The following B3GALT1 variants were observed in gnomAD, a reference collection of about 807,000 sequenced individuals.
B3GALT1 encodes the protein UDP-Gal:betaGlcNAc beta 1,3-galactosyltransferase, polypeptide 1.
In B3GALT1, 10 loss-of-function variants were observed where a neutral mutation model predicts 23.2. That is an observed-to-expected ratio of 0.43 (90% CI 0.27 to 0.73). The LOEUF (loss-of-function observed/expected upper bound fraction) is 0.73, where lower values mean the gene tolerates loss of function less well. Ranked by LOEUF, B3GALT1 falls within the 30% of genes least tolerant of loss-of-function variation. B3GALT1 has a pLI of 0.21. For synonymous variants in B3GALT1, 156 were observed against 141.5 expected, an observed-to-expected ratio of 1.10 and a Z score of -0.73; for missense variants, 299 against 405.4, an observed-to-expected ratio of 0.74 and a Z score of 2.25.
chr2:167,572,899 C>T (rs532148302), intron 2 of B3GALT1, among the ~76,000 whole-genome samples: 9 of 151,760 alleles, frequency 5.9e-5, no homozygotes, highest in Admixed American at 4.6e-4. Context: ...TTGCTAGTTG[C>T]CCTACTAAAT....
At chr2:167,490,018 T>C (rs2105341379) in intron 1 of B3GALT1, among the ~76,000 whole-genome samples, 159 bp from the exon 2 acceptor site, 1 of 152,298 alleles carries the variant, frequency 6.6e-6, no homozygotes, top group South Asian at 2.1e-4. Context: ...TCAAATTAAG[T>C]GTTCCTCAAG....
Position 167,869,031 on chromosome 2 carries a change from C to T in B3GALT1, c.-9C>T. On this transcript the variant is annotated 5_prime_UTR_variant, in exon 5 of 5. Transcript: ENST00000392690. This position sits in a 1 kb window ranked among gnomAD's most constrained non-coding sequence, Gnocchi z 6.4. ...CTTCAATATTTGGAATAGACGTGTT[C>T]TCAAGACAATGGCTTCAAAGGTCTC... 1 of 1,591,494 alleles carries T rather than the reference C, an allele frequency of 6.3e-7. No individual in the cohort carries two copies. The highest frequency in any genetic ancestry group is 8.6e-7 in the Non-Finnish European group (1 of 1,168,974).
intron 3 of B3GALT1, among the ~76,000 whole-genome samples, chr2:167,705,449 T>C (rs879625191): frequency 2.6e-5 from 4 of 152,160 alleles, no homozygotes; most frequent in Non-Finnish European, 4.4e-5. Context: ...GGGAACCTTA[T>C]AAGAAGAATC....
chr2:167,825,190 A>G (rs1458586071), intron 4 of B3GALT1, among the ~76,000 whole-genome samples: 1 of 149,886 alleles, frequency 6.7e-6, no homozygotes, highest in Non-Finnish European at 1.5e-5. Context: ...AGGCTGAGGC[A>G]GGAGAATGGC....
intron 1 of B3GALT1, among the ~76,000 whole-genome samples, chr2:167,371,964 T>G (rs1574052822): frequency 6.6e-6 from 1 of 151,718 alleles, no homozygotes; most frequent in Non-Finnish European, 1.5e-5. Flanking sequence ...AGTAATCTAT[T>G]GAAATGTGGT....
intron 1 of B3GALT1, among the ~76,000 whole-genome samples, chr2:167,480,166 A>G (rs984318525): frequency 2.6e-5 from 4 of 152,202 alleles, no homozygotes; most frequent in African/African-American, 9.7e-5. Context: ...AAGGGATTAT[A>G]GAAACCATGC....
chr2:167,828,503 A>AGAT (rs1366004303), intron 4 of B3GALT1, among the ~76,000 whole-genome samples: 2 of 152,172 alleles, frequency 1.3e-5, no homozygotes, highest in Non-Finnish European at 2.9e-5. Flanking sequence ...CCTGCATAAG[A>AGAT]GATGAGTTTC....
At chr2:167,633,749 G>A (rs1270544297) in intron 2 of B3GALT1, among the ~76,000 whole-genome samples, 1 of 152,064 alleles carries the variant, frequency 6.6e-6, no homozygotes, top group East Asian at 1.9e-4. Context: ...AATAGTGGGA[G>A]ACTTTAATGC....
intron 3 of B3GALT1, among the ~76,000 whole-genome samples, chr2:167,679,663 C>T (rs1265820130): frequency 6.6e-6 from 1 of 152,204 alleles, no homozygotes; most frequent in Non-Finnish European, 1.5e-5. Context: ...ATCCATCAGC[C>T]TCTAGATCTG....
chr2:167,402,134 A>G (rs1443072878), intron 1 of B3GALT1, among the ~76,000 whole-genome samples: 1 of 152,142 alleles, frequency 6.6e-6, no homozygotes, highest in Non-Finnish European at 1.5e-5. Flanking sequence ...AATTTCATTA[A>G]GGGAGCTAAA....
chr2:167,326,459 T>G (rs1696897316), intron 1 of B3GALT1, among the ~76,000 whole-genome samples: 1 of 151,990 alleles, frequency 6.6e-6, no homozygotes. Context: ...TGTCTATTTT[T>G]ATTTTTGTTG....
At chr2:167,809,441 G>C (rs1382797412) in intron 3 of B3GALT1, among the ~76,000 whole-genome samples, 2 of 152,082 alleles carry the variant, frequency 1.3e-5, no homozygotes, top group Non-Finnish European at 2.9e-5. Context: ...TTTGATGATG[G>C]TGACGTACAG....
chr2:167,460,039 G>A (rs1390085931), intron 1 of B3GALT1, among the ~76,000 whole-genome samples: 2 of 152,072 alleles, frequency 1.3e-5, no homozygotes, highest in East Asian at 3.9e-4. Flanking sequence ...CTGCTTTCAT[G>A]ATTCTCACTT....
chr2:167,382,017 C>A (rs16853534), intron 1 of B3GALT1, among the ~76,000 whole-genome samples: 5 of 152,136 alleles, frequency 3.3e-5, no homozygotes, highest in Non-Finnish European at 5.9e-5. Context: ...GTTGATGGTG[C>A]GAACCAAAGG....
intron 2 of B3GALT1, among the ~76,000 whole-genome samples, chr2:167,641,807 A>G (rs1453858779): frequency 6.6e-6 from 1 of 151,370 alleles, no homozygotes; most frequent in Non-Finnish European, 1.5e-5. Context: ...TTTCCTGTCT[A>G]CTCTTTCTCC....
At chr2:167,456,605 G>T (rs1006145372) in intron 1 of B3GALT1, among the ~76,000 whole-genome samples, 4 of 152,166 alleles carry the variant, frequency 2.6e-5, no homozygotes, top group African/African-American at 9.7e-5. Flanking sequence ...GTCAGTCCTG[G>T]CTAGAAAGTC....
intron 3 of B3GALT1, among the ~76,000 whole-genome samples, chr2:167,724,800 T>C (rs1044846335): frequency 3.9e-5 from 6 of 152,194 alleles, no homozygotes; most frequent in Non-Finnish European, 8.8e-5. Context: ...TCTGTTATTT[T>C]AGTTGGAGTG....
chr2:167,472,716 C>T (rs1039886651), intron 1 of B3GALT1, among the ~76,000 whole-genome samples: 2 of 151,982 alleles, frequency 1.3e-5, no homozygotes, highest in Non-Finnish European at 2.9e-5. Context: ...TCCTTTCCTC[C>T]GCTTGCTGTG....
At chr2:167,508,173 T>C (rs1699949037) in intron 2 of B3GALT1, among the ~76,000 whole-genome samples, 3 of 152,170 alleles carry the variant, frequency 2.0e-5, no homozygotes, top group Non-Finnish European at 2.9e-5. Context: ...GTATGAACTT[T>C]AGGCGGACAT....
Sources: allele counts gnomAD v4.1 joint callset (sites outside exome capture counted in the v4.1 genomes callset), GRCh38; gene constraint gnomAD v4.1.1; non-coding constraint Gnocchi (gnomAD v3.1); transcripts MANE v1.5; gene names NCBI Gene and HGNC (gene_info 2026-07-23, HGNC 2026-07-21).